SPRR2B: variants seen among roughly 807,000 people sequenced by gnomAD.
SPRR2B encodes small proline-rich protein 2B.
A neutral mutation model predicts 1.0 loss-of-function variants in SPRR2B; 1 was observed. The observed-to-expected ratio is 1.01, with a 90% CI of 0.36 to 4.77. SPRR2B has a LOEUF of 4.77. Ranked by LOEUF, SPRR2B falls within the 30% of genes most tolerant of loss-of-function variation. SPRR2B has a pLI of 0.16. For synonymous variants in SPRR2B, 27 were observed against 33.4 expected, an observed-to-expected ratio of 0.81 and a Z score of 0.66; for missense variants, 53 against 88.7, an observed-to-expected ratio of 0.60 and a Z score of 1.62.
chr1:153,082,755 T>TGAA, the SPRR2B span, among the ~76,000 whole-genome samples: 2 of 149,366 alleles, frequency 1.3e-5, no homozygotes, highest in Admixed American at 1.3e-4. Context: ...ACATTTTTAA[T>TGAA]GAAAAAAAAA....
chr1:153,074,105 CT>C (rs1486866482), upstream of SPRR2B, among the ~76,000 whole-genome samples: 2 of 152,164 alleles, frequency 1.3e-5, no homozygotes, highest in African/African-American at 4.8e-5. Flanking sequence ...TTCTCAAATA[CT>C]TACCTCTAGT....
upstream of SPRR2B, among the ~76,000 whole-genome samples, chr1:153,076,109 G>C (rs960478675): frequency 6.6e-6 from 1 of 151,960 alleles, no homozygotes; most frequent in Non-Finnish European, 1.5e-5. Flanking sequence ...CTCTAATTTA[G>C]TCTACTGTTA....
chr1:153,078,617 G>C, the SPRR2B span, among the ~76,000 whole-genome samples: 5 of 151,618 alleles, frequency 3.3e-5, no homozygotes, highest in Admixed American at 2.0e-4. Flanking sequence ...TGCGGTGTTT[G>C]GTTTTTTGTT....
In SPRR2B at chr1:153,070,664, G is replaced by A. The variant is rs767785578; in HGVS notation, c.176C>T (p.Pro59Leu). 1 of 1,612,068 alleles carries A rather than the reference G, an allele frequency of 6.2e-7. No individual in the cohort carries two copies. Among genetic ancestry groups the A allele is most frequent in the African/African-American group, 1.3e-5 (1 of 74,806 alleles). Residue 59 changes from proline (P) to leucine (L), a missense_variant, in exon 2 of 2, where the codon CCT (proline) becomes CTT (leucine). Physicochemically the swap from Pro to Leu is moderately conservative, Grantham distance 98. Coordinates refer to ENST00000368755, the MANE Select transcript of SPRR2B (RefSeq NM_001388198.1). Reference sequence around the variant, plus strand: ...ATACTTTGGCTGGCAGGGTGGGGAAGGTGTCACAGGAGGATATTTCTGCTG... The same window carrying A: ...ATACTTTGGCTGGCAGGGTGGGGAAAGTGTCACAGGAGGATATTTCTGCTG... ...QCQQKYPPVTPSPPCQPKYPP... is the reference protein window; with the variant it reads ...QCQQKYPPVTLSPPCQPKYPP...
the SPRR2B span, among the ~76,000 whole-genome samples, chr1:153,083,983 A>T: frequency 6.6e-6 from 1 of 152,344 alleles, no homozygotes; most frequent in South Asian, 2.1e-4. Flanking sequence ...AGATGGGGCC[A>T]GTCTGACCTG....
chr1:153,074,979 T>C (rs1654745403), upstream of SPRR2B, among the ~76,000 whole-genome samples: 1 of 152,174 alleles, frequency 6.6e-6, no homozygotes, highest in Non-Finnish European at 1.5e-5. Flanking sequence ...ACCCTGATAA[T>C]ATTCCCCATC....
At chr1:153,077,869 G>A in the SPRR2B span, among the ~76,000 whole-genome samples, 2 of 152,060 alleles carry the variant, frequency 1.3e-5, no homozygotes, top group African/African-American at 4.8e-5. Context: ...AGTTAAACGG[G>A]TGTTAATTCA....
chr1:153,084,542 C>T, the SPRR2B span, among the ~76,000 whole-genome samples: 2 of 152,136 alleles, frequency 1.3e-5, no homozygotes, highest in Admixed American at 1.3e-4. Context: ...ATACCAACAA[C>T]ACTACAAGTG....
chr1:153,084,678 T>C, the SPRR2B span, among the ~76,000 whole-genome samples: 6 of 152,010 alleles, frequency 3.9e-5, no homozygotes, highest in Non-Finnish European at 8.8e-5. Flanking sequence ...CCCAGCCCAA[T>C]AGTATGCACC....
At chr1:153,087,199 G>T in the SPRR2B span, among the ~76,000 whole-genome samples, 2 of 152,036 alleles carry the variant, frequency 1.3e-5, no homozygotes. Flanking sequence ...AGAATTGCTT[G>T]AAACAGGGAG....
chr1:153,078,593 T>C, the SPRR2B span, among the ~76,000 whole-genome samples: 1 of 148,396 alleles, frequency 6.7e-6, no homozygotes, highest in Non-Finnish European at 1.5e-5. Context: ...AATTCCCACC[T>C]ATGAGTGAGA....
At chr1:153,070,987 T>C in intron 1 of SPRR2B, 129 bp from the exon 2 acceptor site, 1 of 899,290 alleles carries the variant, frequency 1.1e-6, no homozygotes, top group Non-Finnish European at 1.6e-6. Context: ...TAGCTCTCTT[T>C]TCATGACTTC....
the SPRR2B span, among the ~76,000 whole-genome samples, chr1:153,079,740 C>A: frequency 0.34 from 51,332 of 150,008 alleles, 9,153 homozygotes; most frequent in Non-Finnish European, 0.44. Context: ...GTTTTGGTAC[C>A]AGTACCATGC....
rs1256596338 is a variant in SPRR2B at position 153,070,504 on chromosome 1, G to A, written c.*117C>T. On this transcript the variant is annotated 3_prime_UTR_variant, in exon 2 of 2. Coordinates refer to ENST00000368755, the MANE Select transcript of SPRR2B (RefSeq NM_001388198.1). The stretch of plus-strand genomic sequence containing the variant: ...TCATGGGCAGATCACAGGCTAAGGG[G>A]AAAGAAGCTCCCTATGAATCCATGA... 1.3e-6 allele frequency: 2 copies of A among 1,517,208 alleles called. No homozygotes were observed. Among genetic ancestry groups the A allele is most frequent in the African/African-American group, 1.4e-5 (1 of 72,050 alleles). The allele number at this position is 1,517,208 out of a possible 1,614,324, so 94.0% of individuals were successfully genotyped here.
At chr1:153,071,733 G>T (rs1330121291), upstream of SPRR2B, among the ~76,000 whole-genome samples, 1 of 152,120 alleles carries the variant, frequency 6.6e-6, no homozygotes, top group Non-Finnish European at 1.5e-5. Flanking sequence ...TCCATAACTG[G>T]CATGACAGGG....
the SPRR2B span, among the ~76,000 whole-genome samples, chr1:153,077,108 A>C: frequency 1.3e-5 from 2 of 152,224 alleles, no homozygotes; most frequent in Non-Finnish European, 2.9e-5. Flanking sequence ...AGCAAGAGGG[A>C]AGTGAATGAT....
upstream of SPRR2B, among the ~76,000 whole-genome samples, chr1:153,074,299 C>T (rs1163141620): frequency 6.6e-6 from 1 of 151,900 alleles, no homozygotes; most frequent in East Asian, 1.9e-4. Context: ...TCTCACATTT[C>T]AATACTATAC....
the SPRR2B span, among the ~76,000 whole-genome samples, chr1:153,079,742 G>C: frequency 0.34 from 51,364 of 150,108 alleles, 9,170 homozygotes; most frequent in Non-Finnish European, 0.44. Context: ...TTTGGTACCA[G>C]TACCATGCTG....
the SPRR2B span, among the ~76,000 whole-genome samples, chr1:153,078,645 A>G: frequency 6.6e-6 from 1 of 152,110 alleles, no homozygotes; most frequent in Non-Finnish European, 1.5e-5. Context: ...TAGTTTGCTG[A>G]GAATGATGGT....
Sources: gnomAD v4.1 joint callset for allele counts (sites outside exome capture counted in the v4.1 genomes callset) on GRCh38, gnomAD v4.1.1 for gene constraint, MANE v1.5 for transcripts, NCBI Gene and HGNC (gene_info 2026-07-23, HGNC 2026-07-21) for gene names.